Variants in AP1AR observed in about 807,000 individuals in gnomAD.
The protein encoded by AP1AR is adaptor related protein complex 1 associated regulatory protein.
A neutral mutation model predicts 46.3 loss-of-function variants in AP1AR; 29 were observed. The observed-to-expected ratio is 0.63, with a 90% CI of 0.47 to 0.85. The LOEUF (loss-of-function observed/expected upper bound fraction) is 0.85, where lower values mean the gene tolerates loss of function less well. Among genes scored for constraint, AP1AR ranks in the 40% least tolerant of loss-of-function variants. The pLI is 0.00. For synonymous variants in AP1AR, 122 were observed against 122.9 expected (o/e 0.99, Z 0.05); for missense variants, 357 against 356.3 (o/e 1.00, Z -0.02).
chr4:112,245,885 CAG>C (rs1043702100), intron 1 of AP1AR, among the ~76,000 whole-genome samples: 40 of 152,058 alleles, frequency 2.6e-4, no homozygotes, highest in African/African-American at 9.4e-4. Context: ...TCTAAACTAA[CAG>C]TAATTGAGAG....
At chr4:112,251,109 CAGAA>C (rs2110478274) in intron 1 of AP1AR, among the ~76,000 whole-genome samples, 1 of 152,248 alleles carries the variant, frequency 6.6e-6, no homozygotes, top group African/African-American at 2.4e-5. Context: ...TGCGCATTGT[CAGAA>C]AGCATAATCC....
At chr4:112,235,743 G>A (rs534442207) in intron 1 of AP1AR, among the ~76,000 whole-genome samples, 1 of 152,214 alleles carries the variant, frequency 6.6e-6, no homozygotes, top group East Asian at 1.9e-4. Flanking sequence ...ACCACAAATA[G>A]TTCATGGCAC....
chr4:112,266,399 AAG>A (rs909171763), intron 8 of AP1AR, among the ~76,000 whole-genome samples, 187 bp from the exon 9 acceptor site: 3 of 151,850 alleles, frequency 2.0e-5, no homozygotes, highest in African/African-American at 7.2e-5. Context: ...GGCAAAAAAA[AAG>A]AGAGAAAAGT....
chr4:112,242,139 C>T (rs1383108243), intron 1 of AP1AR, among the ~76,000 whole-genome samples: 1 of 152,176 alleles, frequency 6.6e-6, no homozygotes, highest in Non-Finnish European at 1.5e-5. Context: ...CTATGCAAAA[C>T]AAAGTGAGAA....
Position 112,232,099 on chromosome 4 carries a change from A to ACTG in AP1AR, c.15_17dup (p.Cys5dup). The ACTG allele has an allele frequency of 7.4e-7, 1 of 1,345,444 alleles. No individual in the cohort carries two copies. The highest frequency in any genetic ancestry group is 9.6e-7 in the Non-Finnish European group (1 of 1,040,372). The allele number at this position is 1,345,444 out of a possible 1,614,324, so 83.3% of individuals were successfully genotyped here. On this transcript the variant is annotated inframe_insertion, in exon 1 of 10. Coordinates refer to ENST00000274000, the MANE Select transcript of AP1AR (RefSeq NM_018569.6). ...GCGCCTGGGCGGCATGCGATGGGGA[A>ACTG]CTGCTGCTGGACGCAGTGCTTCGGA...
chr4:112,232,025 T>C lies in AP1AR; in HGVS notation c.-67T>C. On this transcript the variant is annotated 5_prime_UTR_variant, in exon 1 of 10. Transcript: ENST00000274000. The stretch of plus-strand genomic sequence containing the variant: ...TCGGCTCGTGCCGTGCGGATGCAGC[T>C]GCCGGGCCTGGGTTTGGGCATTGAG... 2 of 1,297,140 alleles carry C rather than the reference T, an allele frequency of 1.5e-6. No individual in the cohort carries two copies. The highest frequency in any genetic ancestry group is 2.0e-6 in the Non-Finnish European group (2 of 1,010,242). The allele number at this position is 1,297,140 out of a possible 1,614,324, so 80.4% of individuals were successfully genotyped here. A position where few individuals can be genotyped will look rare whatever the true frequency, so the allele number is the denominator to read the frequency against.
chr4:112,252,670 A>T (rs1726009532), intron 1 of AP1AR, among the ~76,000 whole-genome samples: 1 of 152,248 alleles, frequency 6.6e-6, no homozygotes, highest in Non-Finnish European at 1.5e-5. Flanking sequence ...ATTGACATGT[A>T]TATGCATTGT....
chr4:112,268,053 TAAATA>T, intron 9 of AP1AR, 86 bp from the exon 10 acceptor site: 1 of 1,311,684 alleles, frequency 7.6e-7, no homozygotes, highest in Non-Finnish European at 1.0e-6. Context: ...GTCTGATAGT[TAAATA>T]AAAACTACAT....
At chr4:112,257,045 C>T (rs1463731279) in intron 3 of AP1AR, among the ~76,000 whole-genome samples, 1 of 152,148 alleles carries the variant, frequency 6.6e-6, no homozygotes, top group African/African-American at 2.4e-5. Context: ...TTGTATGAAG[C>T]TTACCTAACA....
chr4:112,259,076 C>T (rs940074844), intron 4 of AP1AR, among the ~76,000 whole-genome samples: 1 of 151,994 alleles, frequency 6.6e-6, no homozygotes, highest in African/African-American at 2.4e-5. Context: ...AAAAGAAGAA[C>T]CAGGAGAGCT....
At chr4:112,265,542 ATCT>A (rs778368730) in intron 7 of AP1AR, among the ~76,000 whole-genome samples, 189 bp from the exon 8 acceptor site, 54 of 152,064 alleles carry the variant, frequency 3.6e-4, no homozygotes, top group Admixed American at 7.2e-4. Flanking sequence ...ATTAATGAAA[ATCT>A]TCTTATTTTC....
At position 112,269,112 on chromosome 4, in the gene AP1AR, T is replaced by TATATA; in HGVS notation, c.*703_*704insATATA. The TATATA allele has an allele frequency of 8.0e-6, 1 of 125,696 alleles. No homozygotes were observed. Among genetic ancestry groups the TATATA allele is most frequent in the South Asian group, 2.5e-4 (1 of 3,948 alleles). 7.8% of individuals were successfully genotyped at this position (125,696 alleles called of 1,614,324 possible). ...TAAGAAGATATATATATATATATAT[T>TATATA]TAGTTTTTTCCACTTCATTTTACAT... On this transcript the variant is annotated 3_prime_UTR_variant, in exon 10 of 10. Transcript: ENST00000274000.
At chr4:112,263,898 G>A (rs982051437) in intron 6 of AP1AR, among the ~76,000 whole-genome samples, 4 of 152,118 alleles carry the variant, frequency 2.6e-5, no homozygotes, top group African/African-American at 9.7e-5. Flanking sequence ...GTGCTTAGCT[G>A]GTATCCTTAA....
intron 9 of AP1AR, among the ~76,000 whole-genome samples, chr4:112,267,004 CT>C (rs1236096442): frequency 2.0e-5 from 3 of 151,812 alleles, no homozygotes; most frequent in Non-Finnish European, 4.4e-5. Context: ...TTACTACCCC[CT>C]TGTGGACAGT....
chr4:112,264,178 CTTCTACT>C (rs1306040489), intron 6 of AP1AR, among the ~76,000 whole-genome samples: 3 of 151,808 alleles, frequency 2.0e-5, no homozygotes, highest in Admixed American at 2.0e-4. Flanking sequence ...TAACTTTTAC[CTTCTACT>C]AAGAAAAGTA....
At position 112,266,634 on chromosome 4, in the gene AP1AR, T is replaced by C; in HGVS notation, c.561T>C (p.Ser187=). The part of the protein sequence containing the change: ...ATVLTPNTES[S]CDLMTKTKST... ...TTTTGACACCAAATACAGAAAGCAG[T>C]TGTGATTTAATGACCAAAACTAAAT... The change falls in exon 9 of 10, where the codon AGT becomes AGC. Residue 187 remains serine (S), a synonymous_variant. Coordinates refer to ENST00000274000, the MANE Select transcript of AP1AR (RefSeq NM_018569.6). 3 of 1,611,094 alleles carry C rather than the reference T, an allele frequency of 1.9e-6. No individual in the cohort carries two copies. The South Asian group carries it at 3.3e-5, about 18-fold the overall frequency.
intron 6 of AP1AR, among the ~76,000 whole-genome samples, chr4:112,264,070 T>C (rs1343356811): frequency 6.6e-6 from 1 of 152,188 alleles, no homozygotes; most frequent in African/African-American, 2.4e-5. Flanking sequence ...CCCCCAACTT[T>C]CCTTCATTTT....
In AP1AR at chr4:112,253,231, C is replaced by G; in HGVS notation, c.107C>G (p.Ser36Ter). 1 of 1,610,410 alleles carries G rather than the reference C, an allele frequency of 6.2e-7. No individual in the cohort carries two copies. The highest frequency in any genetic ancestry group is 8.5e-7 in the Non-Finnish European group (1 of 1,178,640). ...AGATCCAAGTATTTTAGAACATGCT[C>G]AAGAGGTGAGCACTTAACAATAGAG... is the stretch of plus-strand genomic sequence containing the variant. ...GGGSKYFRTC[S>*]RGEHLTIEFE... The change falls in exon 2 of 10, where the codon TCA becomes TGA. Residue 36 changes from serine (S) to a stop codon, truncating the protein, a stop_gained. Coordinates refer to ENST00000274000, the MANE Select transcript of AP1AR (RefSeq NM_018569.6). LOFTEE classifies it high-confidence loss of function.
chr4:112,266,839 C>A (rs1726731620), intron 9 of AP1AR, 123 bp downstream of exon 9: 2 of 884,810 alleles, frequency 2.3e-6, no homozygotes, highest in South Asian at 2.3e-5. Context: ...CATATAAACA[C>A]TTTTTAGACC....
Sources: gnomAD v4.1 joint callset for allele counts (sites outside exome capture counted in the v4.1 genomes callset) on GRCh38, gnomAD v4.1.1 for gene constraint, MANE v1.5 for transcripts, NCBI Gene and HGNC (gene_info 2026-07-23, HGNC 2026-07-21) for gene names.